NGLY1: variants seen among roughly 807,000 people sequenced by gnomAD.
NGLY1 encodes N-glycanase 1, also known as peptide-N(4)-(N-acetyl-beta-glucosaminyl)asparagine amidase.
In NGLY1, 68 loss-of-function variants were observed where a neutral mutation model predicts 84.6. The observed-to-expected ratio is 0.80, with a 90% CI of 0.66 to 0.98. The LOEUF (loss-of-function observed/expected upper bound fraction) is 0.98. NGLY1 is among the 50% of genes least tolerant of loss of function. The probability of loss-of-function intolerance (pLI) is 0.00; values close to 1 mark genes in which losing one functional copy is unlikely to be tolerated. For missense variants in NGLY1, 779 were observed against 770.2 expected, an observed-to-expected ratio of 1.01 and a Z score of -0.14; for synonymous variants, 280 against 275.2, an observed-to-expected ratio of 1.02 and a Z score of -0.17.
intron 3 of NGLY1, among the ~76,000 whole-genome samples, chr3:25,752,162 AG>A (rs1277970234): frequency 1.3e-5 from 2 of 152,220 alleles, no homozygotes; most frequent in African/African-American, 4.8e-5. Context: ...AAGTTTCAAT[AG>A]TACACTATAT....
intron 10 of NGLY1, among the ~76,000 whole-genome samples, chr3:25,721,766 A>G (rs1248357640): frequency 6.6e-6 from 1 of 150,678 alleles, no homozygotes; most frequent in African/African-American, 2.4e-5. Flanking sequence ...AAAAAAAAAA[A>G]AAAAAAAAGA....
intron 4 of NGLY1, among the ~76,000 whole-genome samples, chr3:25,750,215 T>C (rs752671115): frequency 1.3e-5 from 2 of 152,086 alleles, no homozygotes; most frequent in Non-Finnish European, 2.9e-5. Context: ...ACTCACTCAT[T>C]ATTATGAGAG....
At chr3:25,725,987 C>T (rs1705236583) in intron 10 of NGLY1, among the ~76,000 whole-genome samples, 1 of 152,212 alleles carries the variant, frequency 6.6e-6, no homozygotes, top group Non-Finnish European at 1.5e-5. Context: ...ACCATTACAT[C>T]AGACTGCCAA....
intron 2 of NGLY1, among the ~76,000 whole-genome samples, chr3:25,773,675 G>A (rs1405748742): frequency 6.6e-6 from 1 of 152,072 alleles, no homozygotes; most frequent in African/African-American, 2.4e-5. Context: ...ATCTTTTGGG[G>A]ATGTTAAAGA....
At chr3:25,781,508 G>A (rs956354226) in intron 1 of NGLY1, among the ~76,000 whole-genome samples, 4 of 152,222 alleles carry the variant, frequency 2.6e-5, no homozygotes, top group African/African-American at 7.2e-5. Flanking sequence ...CCTATCCTTG[G>A]AAAAGCAACG....
chr3:25,719,659 A>T, intron 11 of NGLY1, 24 bp from the exon 12 acceptor site: 1 of 1,585,422 alleles, frequency 6.3e-7, no homozygotes, highest in Non-Finnish European at 8.6e-7. Flanking sequence ...AAAAAAAATT[A>T]ACATTTTGCT....
At chr3:25,755,402 G>A in intron 3 of NGLY1, 2 of 1,421,412 alleles carry the variant, frequency 1.4e-6, no homozygotes, top group Non-Finnish European at 2.0e-6. Context: ...TCCTACTATA[G>A]TGACCCCACA....
Position 25,751,289 on chromosome 3 carries a change from T to G in NGLY1, c.493-26A>C, listed in dbSNP as rs776459249. On this transcript the variant is annotated intron_variant, in intron 3 of 11. Transcript: ENST00000280700. ...CTAATAGGAAAAAAAAAAACTGAAATTAACTTTTCACCATATGCTACAAAA... is the reference window on the plus strand; with the variant it reads ...CTAATAGGAAAAAAAAAAACTGAAAGTAACTTTTCACCATATGCTACAAAA... The G allele has an allele frequency of 2.7e-5, 40 of 1,495,626 alleles. 1 individual carries two copies. In the South Asian group the frequency reaches 4.0e-4, roughly 15 times the overall value. The allele number at this position is 1,495,626 out of a possible 1,614,324, so 92.6% of individuals were successfully genotyped here.
At chr3:25,749,944 C>CAA (rs3080321) in intron 4 of NGLY1, 23 of 480,900 alleles carry the variant, frequency 4.8e-5, no homozygotes, top group Non-Finnish European at 5.8e-5. Context: ...TAAAAACTGC[C>CAA]AAAAAAAAAA....
At chr3:25,778,712 T>C (rs1224403955) in intron 1 of NGLY1, 24 bp from the exon 2 acceptor site, 10 of 1,440,046 alleles carry the variant, frequency 6.9e-6, no homozygotes, top group Non-Finnish European at 9.6e-6. Flanking sequence ...AAAGTTTGAT[T>C]ATATATAAAA....
intron 3 of NGLY1, chr3:25,755,279 T>C: frequency 2.2e-6 from 3 of 1,370,252 alleles, no homozygotes; most frequent in Non-Finnish European, 3.1e-6. Context: ...ACCTGATAGA[T>C]ACTGCTTAAC....
In NGLY1 at chr3:25,783,398, C is replaced by G. The variant is rs1488996; in HGVS notation, c.-8G>C. 1 of 1,525,364 alleles carries G rather than the reference C, an allele frequency of 6.6e-7. No individual in the cohort carries two copies. The highest frequency in any genetic ancestry group is 1.2e-5 in the South Asian group (1 of 83,248). 94.5% of individuals were successfully genotyped at this position (1,525,364 alleles called of 1,614,324 possible). A position where few individuals can be genotyped will look rare whatever the true frequency, so the allele number is the denominator to read the frequency against. On this transcript the variant is annotated 5_prime_UTR_variant, in exon 1 of 12. Transcript: ENST00000280700. The surrounding 1 kb of genome is among the most constrained non-coding windows in gnomAD (Gnocchi z 4.5). ...CAATGCCGCCGCCGCCATGCTTGAG[C>G]GCCAGCGGGCGCCGCCGCCGCCCCT... is the stretch of plus-strand genomic sequence containing the variant.
intron 2 of NGLY1, among the ~76,000 whole-genome samples, chr3:25,770,284 GACT>G (rs1707829176): frequency 6.6e-6 from 1 of 152,128 alleles, no homozygotes; most frequent in Admixed American, 6.5e-5. Flanking sequence ...GAGTAGCTGG[GACT>G]ACAAGTGCCC....
intron 6 of NGLY1, 120 bp from the exon 7 acceptor site, chr3:25,736,269 T>A (rs556868030): frequency 6.4e-7 from 1 of 1,550,818 alleles, no homozygotes; most frequent in African/African-American, 1.4e-5. Context: ...TGAATTTCAG[T>A]TAATAAGTGC....
intron 4 of NGLY1, among the ~76,000 whole-genome samples, chr3:25,746,465 C>T (rs749283220): frequency 2.7e-4 from 41 of 152,178 alleles, no homozygotes; most frequent in Non-Finnish European, 1.8e-4. Flanking sequence ...TGTCTTCTCC[C>T]TATTTTCCAA....
At position 25,765,509 on chromosome 3, in the gene NGLY1, A is replaced by G. The variant is rs192111886; in HGVS notation, c.247-1198T>C. Among the ~76,000 whole-genome samples the G allele has an allele frequency of 1.0e-3, 152 of 152,048 alleles. No homozygotes were observed. In the Middle Eastern group the frequency reaches 0.01, roughly 10 times the overall value. On this transcript the variant is annotated intron_variant, in intron 2 of 11. Transcript: ENST00000280700. ...TCTGTAGTACACAGACCTGCAGATC[A>G]TGAGCATTTAAATTAAACTCCAAAA...
upstream of NGLY1, among the ~76,000 whole-genome samples, chr3:25,787,136 C>CT (rs1385498842): frequency 6.6e-6 from 1 of 152,180 alleles, no homozygotes; most frequent in Admixed American, 6.5e-5. Flanking sequence ...TAACAGTAAA[C>CT]TTTGAGAACT....
chr3:25,747,278 T>C (rs941285859), intron 4 of NGLY1, among the ~76,000 whole-genome samples: 2 of 152,176 alleles, frequency 1.3e-5, no homozygotes, highest in African/African-American at 4.8e-5. Context: ...TAAGTCATCA[T>C]ATAAAGGACC....
intron 3 of NGLY1, among the ~76,000 whole-genome samples, chr3:25,761,139 G>A (rs1707305657): frequency 6.6e-6 from 1 of 152,062 alleles, no homozygotes; most frequent in African/African-American, 2.4e-5. Context: ...GTGATAAAGA[G>A]TTGATGAAAA....
Sources: allele counts gnomAD v4.1 joint callset (sites outside exome capture counted in the v4.1 genomes callset), GRCh38; gene constraint gnomAD v4.1.1; non-coding constraint Gnocchi (gnomAD v3.1); transcripts MANE v1.5; gene names NCBI Gene and HGNC (gene_info 2026-07-23, HGNC 2026-07-21).